The following TRPS1 variants were observed in gnomAD, a reference collection of about 807,000 sequenced individuals.
The protein encoded by TRPS1 is zinc finger transcription factor Trps1.
TRPS1 carries 6 observed loss-of-function variants against 101.2 expected under a neutral mutation model. The ratio of observed to expected loss-of-function variants is 0.06; its 90% CI spans 0.03 to 0.12. The LOEUF (loss-of-function observed/expected upper bound fraction) is 0.12, where lower values mean the gene tolerates loss of function less well. Among genes scored for constraint, TRPS1 ranks in the 10% least tolerant of loss-of-function variants. The pLI is 1.00. For missense variants in TRPS1, 1,363 were observed against 1,567.0 expected (o/e 0.87, Z 2.20); for synonymous variants, 578 against 589.8 (o/e 0.98, Z 0.29).
intron 5 of TRPS1, among the ~76,000 whole-genome samples, chr8:115,430,029 C>T (rs1387011993): frequency 6.6e-6 from 1 of 152,080 alleles, no homozygotes; most frequent in Admixed American, 6.6e-5. Flanking sequence ...AAAACACATA[C>T]AAAAAATGAA....
chr8:115,494,140 AT>A (rs1428222855), intron 5 of TRPS1, among the ~76,000 whole-genome samples: 1 of 152,100 alleles, frequency 6.6e-6, no homozygotes, highest in Non-Finnish European at 1.5e-5. Flanking sequence ...CATGGTGGCA[AT>A]TTTCTCCCAT....
intron 1 of TRPS1, among the ~76,000 whole-genome samples, chr8:115,637,486 C>A (rs945292178): frequency 6.6e-6 from 1 of 152,138 alleles, no homozygotes; most frequent in African/African-American, 2.4e-5. Flanking sequence ...CCAGAAATAT[C>A]GCACAGGTTC....
chr8:115,497,738 T>C (rs1182601763), intron 5 of TRPS1, among the ~76,000 whole-genome samples: 2 of 152,222 alleles, frequency 1.3e-5, no homozygotes, highest in Admixed American at 6.5e-5. Flanking sequence ...TTTGACATTA[T>C]ATATGACACA....
At chr8:115,536,903 G>T (rs1473051523) in intron 5 of TRPS1, among the ~76,000 whole-genome samples, 2 of 151,732 alleles carry the variant, frequency 1.3e-5, no homozygotes, top group Non-Finnish European at 2.9e-5. Flanking sequence ...CATATAGGGG[G>T]TTCTTCCTTT....
intron 5 of TRPS1, among the ~76,000 whole-genome samples, chr8:115,423,293 A>G (rs1032361544): frequency 6.6e-6 from 1 of 152,246 alleles, no homozygotes; most frequent in African/African-American, 2.4e-5. Flanking sequence ...GTTGGCTGGT[A>G]ATTTCCTATG....
intron 5 of TRPS1, among the ~76,000 whole-genome samples, chr8:115,528,815 TATAAC>T: frequency 6.6e-6 from 1 of 152,064 alleles, no homozygotes; most frequent in East Asian, 1.9e-4. Flanking sequence ...GTAGAGATGG[TATAAC>T]ATGCAGTTAT....
intron 5 of TRPS1, among the ~76,000 whole-genome samples, chr8:115,490,431 A>C (rs1814992920): frequency 6.6e-6 from 1 of 152,184 alleles, no homozygotes; most frequent in Admixed American, 6.5e-5. Context: ...ATATACACAC[A>C]TATGCATGTA....
chr8:115,500,190 C>T (rs1197692997), intron 5 of TRPS1, among the ~76,000 whole-genome samples: 6 of 151,798 alleles, frequency 4.0e-5, no homozygotes, highest in South Asian at 2.1e-4. Context: ...GCACCACGCC[C>T]GGCCAATTTT....
At chr8:115,554,877 G>A (rs752005778) in intron 5 of TRPS1, among the ~76,000 whole-genome samples, 1 of 152,108 alleles carries the variant, frequency 6.6e-6, no homozygotes, top group Admixed American at 6.6e-5. Flanking sequence ...GGAGATGAGA[G>A]GCCCGGGGGT....
At chr8:115,445,204 T>C (rs1813702202) in intron 5 of TRPS1, among the ~76,000 whole-genome samples, 1 of 152,172 alleles carries the variant, frequency 6.6e-6, no homozygotes, top group African/African-American at 2.4e-5. Flanking sequence ...GTCAGAAACC[T>C]GTGTAAACTT....
At chr8:115,553,303 T>C (rs553907495) in intron 5 of TRPS1, among the ~76,000 whole-genome samples, 2 of 152,230 alleles carry the variant, frequency 1.3e-5, no homozygotes, top group South Asian at 4.1e-4. Flanking sequence ...GTAATTGCAA[T>C]GCCCAGATCA....
intron 5 of TRPS1, among the ~76,000 whole-genome samples, chr8:115,495,457 G>GAA (rs1044923380): frequency 7.5e-5 from 11 of 147,622 alleles, no homozygotes; most frequent in African/African-American, 2.5e-4. Flanking sequence ...CAGAAAGGAG[G>GAA]AAAAAAATAT....
intron 3 of TRPS1, among the ~76,000 whole-genome samples, chr8:115,608,713 T>C (rs1818095522): frequency 6.6e-6 from 1 of 151,642 alleles, no homozygotes; most frequent in African/African-American, 2.4e-5. Context: ...TCCATAGCCT[T>C]CCTTGGCCAA....
chr8:115,667,608 G>A (rs1811954160), intron 1 of TRPS1, among the ~76,000 whole-genome samples: 1 of 152,170 alleles, frequency 6.6e-6, no homozygotes, highest in South Asian at 2.1e-4. Context: ...GGAAGCGCCC[G>A]GGCTGCAAGG....
At chr8:115,617,474 T>C (rs907624461) in intron 3 of TRPS1, among the ~76,000 whole-genome samples, 4 of 152,178 alleles carry the variant, frequency 2.6e-5, no homozygotes, top group Admixed American at 6.5e-5. Flanking sequence ...TGGAAGTGTG[T>C]TTAAAAATCT....
At chr8:115,462,641 CTTT>C (rs773440841) in intron 5 of TRPS1, among the ~76,000 whole-genome samples, 7 of 62,940 alleles carry the variant, frequency 1.1e-4, no homozygotes, top group African/African-American at 4.0e-4. Flanking sequence ...CTCTCTCTCT[CTTT>C]TTTTTTTTTT....
intron 5 of TRPS1, among the ~76,000 whole-genome samples, chr8:115,539,997 A>G (rs1374100888): frequency 2.0e-5 from 3 of 152,224 alleles, no homozygotes; most frequent in African/African-American, 7.2e-5. Flanking sequence ...CTCTTGAATG[A>G]GAGTTGCATA....
rs753062080 is a variant in TRPS1 at position 115,604,508 on chromosome 8, C to G, written c.1461G>C (p.Lys487Asn). ...SGGLNPELND[K>N]LSRGSVINQN... ...GATTAATGACAGAGCCCCTGGAAAGCTTATCATTTAACTCTGGATTAAGGC... is the reference window on the plus strand; with the variant it reads ...GATTAATGACAGAGCCCCTGGAAAGGTTATCATTTAACTCTGGATTAAGGC... Residue 487 changes from lysine (K) to asparagine (N), a missense_variant, in exon 4 of 7, where the codon AAG becomes AAC. Physicochemically the swap from Lys to Asn is moderately conservative, Grantham distance 94. Coordinates refer to ENST00000395715, the MANE Select transcript of TRPS1 (RefSeq NM_014112.5). The surrounding 1 kb of genome is among the most constrained non-coding windows in gnomAD (Gnocchi z 4.1). 1.2e-6 allele frequency: 2 copies of G among 1,614,082 alleles called. No individual in the cohort carries two copies. Among genetic ancestry groups the G allele is most frequent in the South Asian group, 2.2e-5 (2 of 91,084 alleles).
intron 5 of TRPS1, among the ~76,000 whole-genome samples, chr8:115,463,905 A>G (rs1448639406): frequency 6.6e-6 from 1 of 151,642 alleles, no homozygotes; most frequent in Non-Finnish European, 1.5e-5. Context: ...TATATAATAT[A>G]AAATAACTAA....
Sources: gnomAD v4.1 joint callset for allele counts (sites outside exome capture counted in the v4.1 genomes callset) on GRCh38, gnomAD v4.1.1 for gene constraint, Gnocchi (gnomAD v3.1) non-coding constraint, MANE v1.5 for transcripts, NCBI Gene and HGNC (gene_info 2026-07-23, HGNC 2026-07-21) for gene names.